Variants in SGCD observed in about 807,000 individuals in gnomAD.
SGCD encodes sarcoglycan delta.
A neutral mutation model predicts 36.6 loss-of-function variants in SGCD; 18 were observed. That is an observed-to-expected ratio of 0.49 (90% CI 0.34 to 0.73). The LOEUF is 0.73. Among genes scored for constraint, SGCD ranks in the 30% least tolerant of loss-of-function variants. SGCD has a pLI of 0.01. For missense variants in SGCD, 387 were observed against 346.7 expected (o/e 1.12, Z -0.92); for synonymous variants, 133 against 130.6 (o/e 1.02, Z -0.12).
chr5:156,088,047 G>GCCATCCCC (rs1208194750), intron 1 of SGCD, among the ~76,000 whole-genome samples: 1 of 152,104 alleles, frequency 6.6e-6, no homozygotes, highest in East Asian at 1.9e-4. Flanking sequence ...GTCGCTTGCA[G>GCCATCCCC]CCATCCCCCT....
intron 3 of SGCD, among the ~76,000 whole-genome samples, chr5:156,399,257 C>T (rs1772019209): frequency 6.6e-6 from 1 of 152,154 alleles, no homozygotes; most frequent in Non-Finnish European, 1.5e-5. Context: ...ACTCAAAGAG[C>T]TCATTGTTAT....
intron 3 of SGCD, among the ~76,000 whole-genome samples, chr5:156,193,652 G>T (rs546425205): frequency 6.6e-6 from 1 of 152,130 alleles, no homozygotes; most frequent in Non-Finnish European, 1.5e-5. Context: ...TCCTTTGACC[G>T]AAAGGCCAAT....
At position 156,452,588 on chromosome 5, in the gene SGCD, T is replaced by A. The variant is rs117688846; in HGVS notation, c.193-56013T>A. ...AGCTTTCCCTTTTATAGCCACCAAG[T>A]TTTTTAGAATACACCTAATAGATGC... On this transcript the variant is annotated intron_variant, in intron 3 of 8. Transcript: ENST00000337851. 8.9e-4 allele frequency among the ~76,000 whole-genome samples: 135 copies of A among 152,248 alleles called. 2 individuals carry two copies. In the East Asian group the frequency reaches 0.023, roughly 26 times the overall value.
chr5:156,197,121 CTT>C (rs1176326691), intron 3 of SGCD, among the ~76,000 whole-genome samples: 2 of 152,240 alleles, frequency 1.3e-5, no homozygotes, highest in Admixed American at 1.3e-4. Context: ...GCATTTGAAA[CTT>C]TACTGTAAAT....
intron 3 of SGCD, among the ~76,000 whole-genome samples, chr5:156,140,495 A>G (rs1762554289): frequency 6.6e-6 from 1 of 152,196 alleles, no homozygotes; most frequent in African/African-American, 2.4e-5. Context: ...CATCCTTCTT[A>G]TACACTGGCA....
intron 4 of SGCD, among the ~76,000 whole-genome samples, chr5:156,526,261 GA>G (rs144932984): frequency 0.023 from 3,405 of 150,826 alleles, 79 homozygotes; most frequent in African/African-American, 0.051. Flanking sequence ...GTTTATGAGG[GA>G]AAAAAAAAGT....
intron 3 of SGCD, among the ~76,000 whole-genome samples, chr5:156,468,648 A>C (rs974627758): frequency 1.1e-4 from 17 of 152,142 alleles, no homozygotes; most frequent in African/African-American, 4.1e-4. Context: ...TCCTCATTTG[A>C]AAAATGCATA....
intron 3 of SGCD, among the ~76,000 whole-genome samples, chr5:156,266,947 A>T (rs992341551): frequency 2.0e-5 from 3 of 152,170 alleles, no homozygotes; most frequent in African/African-American, 7.2e-5. Context: ...GAAAAAAAAT[A>T]GCCCTCATTG....
chr5:155,818,917 T>G, the SGCD span, among the ~76,000 whole-genome samples: 10 of 152,232 alleles, frequency 6.6e-5, no homozygotes, highest in Admixed American at 1.3e-4. Context: ...AATGAATTTT[T>G]CTTTGGCAAT....
intron 1 of SGCD, among the ~76,000 whole-genome samples, chr5:155,907,417 G>A (rs1462871944): frequency 2.0e-5 from 3 of 152,074 alleles, no homozygotes; most frequent in African/African-American, 4.8e-5. Flanking sequence ...GGCTATAGCT[G>A]CCATAGATGG....
In SGCD at chr5:156,710,057, G is replaced by A. The variant is rs147358847; in HGVS notation, c.576-47524G>A. ...TGGGATCTTGGGAGAGTTTTCTTGC[G>A]TCCTGAGCCTCCTTTCCTTATTAGT... On this transcript the variant is annotated intron_variant, in intron 7 of 8. Transcript: ENST00000337851. 2.0e-3 allele frequency among the ~76,000 whole-genome samples: 310 copies of A among 152,066 alleles called. 1 individual carries two copies. Among genetic ancestry groups the A allele is most frequent in the African/African-American group, 5.5e-3 (226 of 41,458 alleles).
the SGCD span, among the ~76,000 whole-genome samples, chr5:155,751,524 C>G: frequency 6.6e-6 from 1 of 152,064 alleles, no homozygotes; most frequent in Non-Finnish European, 1.5e-5. Flanking sequence ...GTGGCTGGGA[C>G]TACAGGCACA....
chr5:156,174,847 A>G (rs913674109), intron 3 of SGCD, among the ~76,000 whole-genome samples: 6 of 152,202 alleles, frequency 3.9e-5, no homozygotes, highest in African/African-American at 1.4e-4. Context: ...AGGCTATAAG[A>G]ACAGAATAGC....
At chr5:155,770,307 G>C in the SGCD span, among the ~76,000 whole-genome samples, 1 of 151,894 alleles carries the variant, frequency 6.6e-6, no homozygotes, top group South Asian at 2.1e-4. Flanking sequence ...AAGTCTGTTT[G>C]AGGAGTGACA....
intron 1 of SGCD, among the ~76,000 whole-genome samples, chr5:155,962,148 G>T (rs964092269): frequency 6.6e-6 from 1 of 152,018 alleles, no homozygotes; most frequent in African/African-American, 2.4e-5. Context: ...CAGTCAGGGG[G>T]CAGAGTCAGA....
the SGCD span, among the ~76,000 whole-genome samples, chr5:155,782,479 TGAA>T: frequency 8.5e-5 from 13 of 152,156 alleles, no homozygotes; most frequent in Non-Finnish European, 1.5e-5. Flanking sequence ...AGAAAGAAGT[TGAA>T]GAAATACAGA....
the SGCD span, among the ~76,000 whole-genome samples, chr5:155,857,084 A>C: frequency 6.6e-6 from 1 of 152,072 alleles, no homozygotes; most frequent in African/African-American, 2.4e-5. Context: ...AAATACAAAA[A>C]AAATTAGCCA....
At chr5:156,507,203 G>A (rs980360916) in intron 3 of SGCD, among the ~76,000 whole-genome samples, 1 of 152,166 alleles carries the variant, frequency 6.6e-6, no homozygotes, top group Non-Finnish European at 1.5e-5. Context: ...GGTTATCCTG[G>A]GTTATCCAGA....
rs138822898 is a variant in SGCD at position 156,001,530 on chromosome 5, C to T, written c.-281-116348C>T. Reference sequence around the variant, plus strand: ...ATAGCATGTCTCTATCTCATTGTCTCGATTTTGAACTGTCAATGTTTTCCA... The same window carrying T: ...ATAGCATGTCTCTATCTCATTGTCTTGATTTTGAACTGTCAATGTTTTCCA... On this transcript the variant is annotated intron_variant, in intron 1 of 9. Transcript: ENST00000517913. Among the ~76,000 whole-genome samples, 6 of 152,110 alleles carry T rather than the reference C, an allele frequency of 3.9e-5. No individual in the cohort carries two copies. In the East Asian group the frequency reaches 7.7e-4, roughly 20 times the overall value.
Sources: gnomAD v4.1 joint callset for allele counts (sites outside exome capture counted in the v4.1 genomes callset) on GRCh38, gnomAD v4.1.1 for gene constraint, MANE v1.5 for transcripts, NCBI Gene and HGNC (gene_info 2026-07-23, HGNC 2026-07-21) for gene names.